Variants in DSCAM observed in about 807,000 individuals in gnomAD.
DSCAM encodes the protein DS cell adhesion molecule.
Under a neutral mutation model 217.7 loss-of-function variants are expected in DSCAM, and 47 were observed. The ratio of observed to expected loss-of-function variants is 0.22; its 90% CI spans 0.17 to 0.28. The LOEUF (loss-of-function observed/expected upper bound fraction) is 0.28. Among genes scored for constraint, DSCAM ranks in the 10% least tolerant of loss-of-function variants. The pLI is 1.00. For synonymous variants in DSCAM, 1,056 were observed against 1,015.3 expected (o/e 1.04, Z -0.76); for missense variants, 2,080 against 2,618.3 (o/e 0.79, Z 4.49).
chr21:40,570,780 T>C (rs9305699), intron 3 of DSCAM, among the ~76,000 whole-genome samples: 68,171 of 151,836 alleles, frequency 0.45, 16,171 homozygotes, highest in Admixed American at 0.55. Context: ...AGACTGGACA[T>C]AGAAGAGAAA....
At chr21:40,758,335 G>C in intron 1 of DSCAM, among the ~76,000 whole-genome samples, 1 of 152,022 alleles carries the variant, frequency 6.6e-6, no homozygotes, top group Admixed American at 6.6e-5. Context: ...CAGAAAAAGG[G>C]ACTGGGAAAA....
intron 1 of DSCAM, among the ~76,000 whole-genome samples, chr21:40,808,213 T>C (rs2091805273): frequency 6.6e-6 from 1 of 152,150 alleles, no homozygotes; most frequent in Non-Finnish European, 1.5e-5. Context: ...AATGGGGGAA[T>C]TCCACTGTCC....
intron 28 of DSCAM, among the ~76,000 whole-genome samples, chr21:40,058,279 G>T (rs10470192): frequency 6.6e-6 from 1 of 152,068 alleles, no homozygotes; most frequent in African/African-American, 2.4e-5. Flanking sequence ...TTGCAAGGCT[G>T]GACTCAGATG....
At chr21:40,183,521 G>A (rs2146817028) in intron 14 of DSCAM, among the ~76,000 whole-genome samples, 1 of 152,310 alleles carries the variant, frequency 6.6e-6, no homozygotes, top group Non-Finnish European at 1.5e-5. Flanking sequence ...GACTTGGGGT[G>A]TTCAGTGTTT....
At chr21:40,458,267 A>G (rs967528183) in intron 3 of DSCAM, among the ~76,000 whole-genome samples, 3 of 152,220 alleles carry the variant, frequency 2.0e-5, no homozygotes, top group Non-Finnish European at 2.9e-5. Context: ...TAGGTCACAA[A>G]GAGAAGTTCA....
At position 40,620,113 on chromosome 21, in the gene DSCAM, AAAAG is replaced by A. The variant is rs201906334; in HGVS notation, c.508+72693_508+72696del. Among the ~76,000 whole-genome samples the A allele has an allele frequency of 1.4e-4, 16 of 110,594 alleles. 1 individual carries two copies. In the East Asian group the frequency reaches 2.9e-3, roughly 20 times the overall value. The allele number at this position is 110,594 out of a possible 152,430, so 72.6% of individuals were successfully genotyped here. A position where few individuals can be genotyped will look rare whatever the true frequency, so the allele number is the denominator to read the frequency against. ...GAGAGAGAAAGAGAGAGAAAAAAGA[AAAAG>A]AAAGAAAGAGAGAGAGAAAGAGAGA... On this transcript the variant is annotated intron_variant, in intron 3 of 32. Transcript: ENST00000400454.
intron 3 of DSCAM, among the ~76,000 whole-genome samples, chr21:40,521,766 G>A (rs907321188): frequency 1.6e-4 from 24 of 152,122 alleles, no homozygotes; most frequent in Non-Finnish European, 4.4e-5. Flanking sequence ...GATGAGAAAG[G>A]AGAAGTGCTG....
At chr21:40,597,643 A>T (rs1159412838) in intron 3 of DSCAM, among the ~76,000 whole-genome samples, 1 of 151,410 alleles carries the variant, frequency 6.6e-6, no homozygotes, top group African/African-American at 2.4e-5. Flanking sequence ...AGTAGCTGGG[A>T]CTACAGGTGC....
rs1161975601 is a variant in DSCAM, at chr21:40,143,449, G to A, written c.3260-745C>T. Among the ~76,000 whole-genome samples, 8 of 152,128 alleles carry A rather than the reference G, an allele frequency of 5.3e-5. No individual in the cohort carries two copies. In the East Asian group the frequency reaches 7.7e-4, roughly 15 times the overall value. ...CAAGTCATTGAAGACTCCTCTCCTC[G>A]CAAAAATTGTCAGATATTACAGGTG... On this transcript the variant is annotated intron_variant, in intron 17 of 32. Coordinates refer to ENST00000400454, the MANE Select transcript of DSCAM (RefSeq NM_001389.5).
At chr21:40,382,336 C>T (rs796174763) in intron 3 of DSCAM, among the ~76,000 whole-genome samples, 1 of 152,164 alleles carries the variant, frequency 6.6e-6, no homozygotes, top group African/African-American at 2.4e-5. Flanking sequence ...ATTCTATGTC[C>T]TATCAGTTCT....
rs192733564 is a variant in DSCAM, at chr21:40,663,215, T to C, written c.508+29595A>G. ...ATATGTGCATGTGAGTGTATGTCTG[T>C]GCATGGTGTGGGGGGAATATAAGCA... On this transcript the variant is annotated intron_variant, in intron 3 of 32. Transcript: ENST00000400454. Among the ~76,000 whole-genome samples, 57 of 138,626 alleles carry C rather than the reference T, an allele frequency of 4.1e-4. No individual in the cohort carries two copies. In the East Asian group the frequency reaches 8.4e-3, roughly 20 times the overall value. The allele number at this position is 138,626 out of a possible 152,430, so 90.9% of individuals were successfully genotyped here. A position where few individuals can be genotyped will look rare whatever the true frequency, so the allele number is the denominator to read the frequency against.
chr21:40,671,045 T>G (rs186011275), intron 3 of DSCAM, among the ~76,000 whole-genome samples: 262 of 152,304 alleles, frequency 1.7e-3, no homozygotes, highest in African/African-American at 6.1e-3. Context: ...AATACTACTT[T>G]GCCATATGAA....
chr21:40,651,971 G>A (rs2090019632), intron 3 of DSCAM, among the ~76,000 whole-genome samples: 2 of 152,106 alleles, frequency 1.3e-5, no homozygotes, highest in African/African-American at 4.8e-5. Flanking sequence ...CTTTTTCTCT[G>A]CTGGCCCCAC....
At chr21:40,196,646 C>T (rs966441100) in intron 11 of DSCAM, among the ~76,000 whole-genome samples, 1 of 150,082 alleles carries the variant, frequency 6.7e-6, no homozygotes, top group African/African-American at 2.5e-5. Flanking sequence ...TCATTTTTCC[C>T]TTCCTTCCTT....
chr21:40,241,127 A>T (rs1260735790), intron 11 of DSCAM, among the ~76,000 whole-genome samples: 2 of 152,226 alleles, frequency 1.3e-5, no homozygotes, highest in African/African-American at 4.8e-5. Context: ...CAAAAGCAAA[A>T]ATTGACAAGT....
intron 3 of DSCAM, among the ~76,000 whole-genome samples, chr21:40,411,063 CA>C (rs944370709): frequency 6.6e-6 from 1 of 151,784 alleles, no homozygotes; most frequent in African/African-American, 2.4e-5. Context: ...AAATAAAATA[CA>C]CACAAAAATA....
intron 11 of DSCAM, among the ~76,000 whole-genome samples, chr21:40,254,179 A>G (rs1442462818): frequency 6.6e-6 from 1 of 152,168 alleles, no homozygotes; most frequent in Non-Finnish European, 1.5e-5. Context: ...AATATTAGAT[A>G]AATAGTCACA....
intron 3 of DSCAM, among the ~76,000 whole-genome samples, chr21:40,378,203 T>C (rs2074982040): frequency 6.6e-6 from 1 of 152,208 alleles, no homozygotes; most frequent in South Asian, 2.1e-4. Context: ...GTGAAATGAA[T>C]TACGTTTTAA....
At chr21:40,171,112 C>T (rs991998660) in intron 15 of DSCAM, among the ~76,000 whole-genome samples, 1 of 152,200 alleles carries the variant, frequency 6.6e-6, no homozygotes, top group African/African-American at 2.4e-5. Flanking sequence ...GGGTCTCACT[C>T]TGTCGCCCAG....
Sources: allele counts gnomAD v4.1 joint callset (sites outside exome capture counted in the v4.1 genomes callset), GRCh38; gene constraint gnomAD v4.1.1; transcripts MANE v1.5; gene names NCBI Gene and HGNC (gene_info 2026-07-23, HGNC 2026-07-21).